The following SLC10A7 variants were observed in gnomAD, a reference collection of about 807,000 sequenced individuals.
The protein encoded by SLC10A7 is solute carrier family 10 member 7.
A neutral mutation model predicts 43.2 loss-of-function variants in SLC10A7; 29 were observed. The ratio of observed to expected loss-of-function variants is 0.67; its 90% CI spans 0.50 to 0.92. The LOEUF (loss-of-function observed/expected upper bound fraction) is 0.92, where lower values mean the gene tolerates loss of function less well. SLC10A7 is among the 40% of genes least tolerant of loss of function. SLC10A7 has a pLI of 0.00. For synonymous variants in SLC10A7, 152 were observed against 144.8 expected (o/e 1.05, Z -0.35); for missense variants, 295 against 403.2 (o/e 0.73, Z 2.30).
intron 5 of SLC10A7, among the ~76,000 whole-genome samples, chr4:146,343,381 A>G (rs2149730838): frequency 6.6e-6 from 1 of 152,198 alleles, no homozygotes; most frequent in Non-Finnish European, 1.5e-5. Flanking sequence ...TGTGGTCTGC[A>G]TGTGGCCTGT....
chr4:146,472,134 A>G (rs913455435), intron 4 of SLC10A7, among the ~76,000 whole-genome samples: 5 of 152,232 alleles, frequency 3.3e-5, no homozygotes, highest in Admixed American at 6.5e-5. Flanking sequence ...AGGGACAAAC[A>G]TTAAAGAATA....
chr4:146,459,638 T>G (rs1732365421), intron 4 of SLC10A7, among the ~76,000 whole-genome samples: 1 of 150,292 alleles, frequency 6.7e-6, no homozygotes, highest in African/African-American at 2.4e-5. Flanking sequence ...CGAAAAACTC[T>G]GATGCTTATT....
intron 4 of SLC10A7, among the ~76,000 whole-genome samples, chr4:146,491,945 C>T (rs1735484294): frequency 6.6e-6 from 1 of 152,052 alleles, no homozygotes; most frequent in Non-Finnish European, 1.5e-5. Flanking sequence ...GGGCCGGGTG[C>T]GGTGGGTCAC....
At chr4:146,486,540 T>A (rs1027002353) in intron 4 of SLC10A7, among the ~76,000 whole-genome samples, 13 of 152,200 alleles carry the variant, frequency 8.5e-5, no homozygotes, top group African/African-American at 2.4e-4. Context: ...ATAAATTTTT[T>A]AAAAACATAT....
chr4:146,391,647 A>G (rs1477837314), intron 5 of SLC10A7, among the ~76,000 whole-genome samples: 1 of 152,216 alleles, frequency 6.6e-6, no homozygotes, highest in African/African-American at 2.4e-5. Context: ...CTCAAGGTCA[A>G]TACATCTTCT....
At chr4:146,274,510 A>G (rs1253448190) in intron 10 of SLC10A7, among the ~76,000 whole-genome samples, 4 of 152,060 alleles carry the variant, frequency 2.6e-5, no homozygotes, top group African/African-American at 7.2e-5. Flanking sequence ...GGCCTAGATT[A>G]TACCTTATAT....
chr4:146,437,823 T>C (rs535257021), intron 5 of SLC10A7, among the ~76,000 whole-genome samples: 1 of 152,224 alleles, frequency 6.6e-6, no homozygotes, highest in East Asian at 1.9e-4. Context: ...GTAACAAAGA[T>C]AATGGTGTTT....
At chr4:146,494,830 TAGAG>T (rs1354799754) in intron 4 of SLC10A7, among the ~76,000 whole-genome samples, 21 of 152,230 alleles carry the variant, frequency 1.4e-4, no homozygotes, top group Admixed American at 3.3e-4. Flanking sequence ...CCCTTTTAGT[TAGAG>T]AGGTAAAAAT....
chr4:146,437,478 T>C (rs1392252428), intron 5 of SLC10A7, among the ~76,000 whole-genome samples: 1 of 152,146 alleles, frequency 6.6e-6, no homozygotes, highest in Non-Finnish European at 1.5e-5. Flanking sequence ...AGTCATTTGT[T>C]TGTTCTGGCA....
At chr4:146,362,649 TAACTAC>T (rs200361221) in intron 5 of SLC10A7, among the ~76,000 whole-genome samples, 8,519 of 151,920 alleles carry the variant, frequency 0.056, 347 homozygotes, top group South Asian at 0.18. Context: ...ATAAAAATAA[TAACTAC>T]AACAATTTGA....
chr4:146,401,866 T>C (rs1043582486), intron 5 of SLC10A7, among the ~76,000 whole-genome samples: 1 of 152,210 alleles, frequency 6.6e-6, no homozygotes, highest in African/African-American at 2.4e-5. Context: ...TCAGTTTTCA[T>C]AGGTCATCTA....
In SLC10A7 at chr4:146,256,409, T is replaced by C. The variant is rs998983483; in HGVS notation, c.*82A>G. ...AAATAAAATATGCATTGAGGCAACA[T>C]TCACAAGTACAAGTCTTCAGAATTG... On this transcript the variant is annotated 3_prime_UTR_variant, in exon 12 of 12. Coordinates refer to ENST00000335472, the MANE Select transcript of SLC10A7 (RefSeq NM_001029998.6). The C allele has an allele frequency of 7.3e-7, 1 of 1,361,328 alleles. No homozygotes were observed. Among genetic ancestry groups the C allele is most frequent in the East Asian group, 2.3e-5 (1 of 43,274 alleles). The allele number at this position is 1,361,328 out of a possible 1,614,324, so 84.3% of individuals were successfully genotyped here. A position where few individuals can be genotyped will look rare whatever the true frequency, so the allele number is the denominator to read the frequency against.
chr4:146,428,428 C>A (rs941763704), intron 5 of SLC10A7, among the ~76,000 whole-genome samples: 4 of 152,172 alleles, frequency 2.6e-5, no homozygotes, highest in African/African-American at 7.2e-5. Flanking sequence ...ATGAACTCAT[C>A]AAACTCAAGT....
intron 4 of SLC10A7, among the ~76,000 whole-genome samples, chr4:146,469,602 A>G (rs1245888036): frequency 6.6e-6 from 1 of 152,156 alleles, no homozygotes; most frequent in Non-Finnish European, 1.5e-5. Flanking sequence ...CAACCTATAA[A>G]GGAGTATTAG....
intron 5 of SLC10A7, chr4:146,442,131 A>G (rs1730648658): frequency 1.0e-6 from 1 of 970,762 alleles, no homozygotes; most frequent in South Asian, 4.8e-5. Flanking sequence ...TTCATAACAC[A>G]AATCAAGCCT....
intron 4 of SLC10A7, among the ~76,000 whole-genome samples, chr4:146,466,762 G>T (rs930197915): frequency 1.3e-5 from 2 of 152,046 alleles, no homozygotes; most frequent in South Asian, 4.1e-4. Context: ...AAAAGATAAG[G>T]CTCAGAGTAC....
intron 4 of SLC10A7, among the ~76,000 whole-genome samples, chr4:146,457,447 C>G (rs1397177989): frequency 6.6e-6 from 1 of 151,684 alleles, no homozygotes; most frequent in Non-Finnish European, 1.5e-5. Context: ...CTATAGTCAC[C>G]CTGTTGTGCT....
At chr4:146,441,067 C>T (rs1338151781) in intron 5 of SLC10A7, among the ~76,000 whole-genome samples, 1 of 152,132 alleles carries the variant, frequency 6.6e-6, no homozygotes, top group Admixed American at 6.5e-5. Context: ...TAGTGGGACC[C>T]ACCTTGTATT....
chr4:146,312,443 C>T (rs912741645), intron 6 of SLC10A7, among the ~76,000 whole-genome samples: 11 of 152,100 alleles, frequency 7.2e-5, no homozygotes, highest in African/African-American at 2.7e-4. Context: ...GATCTTAATA[C>T]TTAAGATCTA....
Sources: allele counts gnomAD v4.1 joint callset (sites outside exome capture counted in the v4.1 genomes callset), GRCh38; gene constraint gnomAD v4.1.1; transcripts MANE v1.5; gene names NCBI Gene and HGNC (gene_info 2026-07-23, HGNC 2026-07-21).